The following PHLPP1 variants were observed in gnomAD, a reference collection of about 807,000 sequenced individuals.
The protein encoded by PHLPP1 is PH domain leucine-rich repeat-containing protein phosphatase 1.
In PHLPP1, 42 loss-of-function variants were observed where a neutral mutation model predicts 117.2. The ratio of observed to expected loss-of-function variants is 0.36; its 90% confidence interval spans 0.28 to 0.46. The LOEUF is 0.46. Among genes scored for constraint, PHLPP1 ranks in the 20% least tolerant of loss-of-function variants. The pLI is 1.00. For synonymous variants in PHLPP1, 1,042 were observed against 970.7 expected (o/e 1.07, Z -1.37); for missense variants, 2,084 against 2,241.9 (o/e 0.93, Z 1.42).
At chr18:62,943,800 CG>C (rs1304448128) in intron 11 of PHLPP1, among the ~76,000 whole-genome samples, 1 of 152,022 alleles carries the variant, frequency 6.6e-6, no homozygotes, top group Non-Finnish European at 1.5e-5. Flanking sequence ...TAATCCAAAC[CG>C]TATCACTATA....
intron 6 of PHLPP1, among the ~76,000 whole-genome samples, chr18:62,900,494 A>G (rs1916695177): frequency 7.9e-6 from 1 of 126,608 alleles, no homozygotes; most frequent in Non-Finnish European, 1.5e-5. Flanking sequence ...CCCAAGCTGG[A>G]ATGCAATCAC....
rs1259899887 is a variant in PHLPP1, at chr18:62,716,530, C to A, written c.847C>A (p.Pro283Thr). 5 of 1,183,444 alleles carry A rather than the reference C, an allele frequency of 4.2e-6. No individual in the cohort carries two copies. Among genetic ancestry groups the A allele is most frequent in the Non-Finnish European group, 5.2e-6 (5 of 957,712 alleles). The allele number at this position is 1,183,444 out of a possible 1,614,324, so 73.3% of individuals were successfully genotyped here. A position where few individuals can be genotyped will look rare whatever the true frequency, so the allele number is the denominator to read the frequency against. Residue 283 changes from proline to threonine, a missense_variant, in exon 1 of 17, where the codon CCC (proline) becomes ACC (threonine). Coordinates refer to ENST00000262719, the MANE Select transcript of PHLPP1 (RefSeq NM_194449.4). This position sits in a 1 kb window ranked among gnomAD's most constrained non-coding sequence, Gnocchi z 5.7. ...GGAGCCGCGGGACTCGGAGGTACCGCCCGCGAGGAGCGCGCCGGGTGCCTT... is the reference window on the plus strand; with the variant it reads ...GGAGCCGCGGGACTCGGAGGTACCGACCGCGAGGAGCGCGCCGGGTGCCTT... ...PPEPRDSEVP[P>T]ARSAPGAFGG...
intron 1 of PHLPP1, among the ~76,000 whole-genome samples, chr18:62,794,139 A>G (rs2076892918): frequency 6.6e-6 from 1 of 152,206 alleles, no homozygotes; most frequent in Admixed American, 6.5e-5. Context: ...TGTCATATAT[A>G]TTTTGTATAC....
chr18:62,744,645 T>A (rs1911625245), intron 1 of PHLPP1, among the ~76,000 whole-genome samples: 1 of 152,176 alleles, frequency 6.6e-6, no homozygotes, highest in African/African-American at 2.4e-5. Context: ...AACCAGTAAA[T>A]CAACCTGATA....
intron 1 of PHLPP1, among the ~76,000 whole-genome samples, chr18:62,760,668 A>T (rs1181278513): frequency 6.6e-6 from 1 of 152,104 alleles, no homozygotes; most frequent in Non-Finnish European, 1.5e-5. Context: ...TTCTTCCTCC[A>T]CGTCCACATT....
chr18:62,913,155 A>G (rs1917005638), intron 8 of PHLPP1, among the ~76,000 whole-genome samples: 1 of 152,194 alleles, frequency 6.6e-6, no homozygotes, highest in South Asian at 2.1e-4. Context: ...CACCTATCAC[A>G]GTGTTTACTA....
chr18:62,791,806 T>G (rs1356524580), intron 1 of PHLPP1, among the ~76,000 whole-genome samples: 1 of 152,038 alleles, frequency 6.6e-6, no homozygotes, highest in Non-Finnish European at 1.5e-5. Context: ...AATTAATCAT[T>G]GCAGATACTG....
chr18:62,945,336 A>C, intron 12 of PHLPP1, 65 bp downstream of exon 12: 107 of 1,328,330 alleles, frequency 8.1e-5, no homozygotes, highest in Non-Finnish European at 1.0e-4. Flanking sequence ...TTCCTAACTC[A>C]TCAACTCAGG....
intron 4 of PHLPP1, among the ~76,000 whole-genome samples, chr18:62,888,337 G>GT (rs1555679785): frequency 2.4e-3 from 274 of 114,664 alleles, no homozygotes; most frequent in African/African-American, 7.1e-3. Flanking sequence ...GTGTGTGTAT[G>GT]TTTTTTTTTT....
chr18:62,873,421 G>T (rs1227855982), intron 4 of PHLPP1, among the ~76,000 whole-genome samples: 1 of 152,164 alleles, frequency 6.6e-6, no homozygotes, highest in Non-Finnish European at 1.5e-5. Context: ...TTAATTCTAT[G>T]TGTGGAAATT....
At chr18:62,830,279 C>A (rs890783613) in intron 2 of PHLPP1, 48 bp downstream of exon 2, 5 of 1,476,864 alleles carry the variant, frequency 3.4e-6, no homozygotes, top group Admixed American at 2.0e-5. Context: ...CTCACTCTGT[C>A]ACCCAGGCTC....
intron 4 of PHLPP1, among the ~76,000 whole-genome samples, chr18:62,880,081 C>T (rs1414803168): frequency 6.6e-6 from 1 of 151,988 alleles, no homozygotes; most frequent in Non-Finnish European, 1.5e-5. Flanking sequence ...AAAACCATGT[C>T]TAAATCACAT....
At chr18:62,948,824 A>G (rs1004696645) in intron 12 of PHLPP1, among the ~76,000 whole-genome samples, 1 of 152,046 alleles carries the variant, frequency 6.6e-6, no homozygotes, top group African/African-American at 2.4e-5. Flanking sequence ...CTCTGAATTG[A>G]TATTTTTGTG....
chr18:62,814,641 G>GTA (rs750043005), intron 1 of PHLPP1, among the ~76,000 whole-genome samples: 6 of 152,156 alleles, frequency 3.9e-5, no homozygotes, highest in Admixed American at 6.5e-5. Context: ...CAGGGACATG[G>GTA]TAAATTCTTC....
At chr18:62,812,187 G>A (rs538353135) in intron 1 of PHLPP1, among the ~76,000 whole-genome samples, 1 of 152,236 alleles carries the variant, frequency 6.6e-6, no homozygotes, top group Non-Finnish European at 1.5e-5. Flanking sequence ...AATATAGTTC[G>A]TTTTTTCACC....
Position 62,945,152 on chromosome 18 carries a change from G to A in PHLPP1, c.3205G>A (p.Gly1069Arg). ...LEELEEIDLSGNKLKAIPTTI... is the reference protein window; with the variant it reads ...LEELEEIDLSRNKLKAIPTTI... Reference sequence around the variant, plus strand: ...GGAACTTGAAGAAATTGATCTCAGTGGGAATAAGCTGAAAGCCATCCCAAC... The same window carrying A: ...GGAACTTGAAGAAATTGATCTCAGTAGGAATAAGCTGAAAGCCATCCCAAC... Residue 1069 changes from glycine (G) to arginine (R), a missense_variant, in exon 12 of 17, where the codon GGG (glycine) becomes AGG (arginine). Physicochemically the swap from Gly to Arg is moderately radical, Grantham distance 125 (BLOSUM62 -2). Transcript: ENST00000262719. The A allele has an allele frequency of 6.2e-7, 1 of 1,610,000 alleles. No individual in the cohort carries two copies. The highest frequency in any genetic ancestry group is 8.5e-7 in the Non-Finnish European group (1 of 1,178,694).
At chr18:62,955,920 C>G (rs1910598155) in intron 12 of PHLPP1, among the ~76,000 whole-genome samples, 1 of 152,070 alleles carries the variant, frequency 6.6e-6, no homozygotes, top group Admixed American at 6.6e-5. Context: ...TCCTGCTATG[C>G]TGATGTGTAC....
At chr18:62,755,641 A>G (rs1911992729) in intron 1 of PHLPP1, among the ~76,000 whole-genome samples, 1 of 152,190 alleles carries the variant, frequency 6.6e-6, no homozygotes, top group African/African-American at 2.4e-5. Context: ...ACCAGACATC[A>G]AATCTACTGG....
In PHLPP1 at chr18:62,736,281, C is replaced by T. The variant is rs569182311; in HGVS notation, c.1576+19022C>T. 4.6e-5 allele frequency among the ~76,000 whole-genome samples: 7 copies of T among 152,242 alleles called. No homozygotes were observed. In the South Asian group the frequency reaches 1.2e-3, roughly 27 times the overall value. On this transcript the variant is annotated intron_variant, in intron 1 of 16. Transcript: ENST00000262719. ...CCCCACCTCAGACTTACTGCATAAT[C>T]GGCATTTTAACAAGATCCCCAGGAG...
Sources: gnomAD v4.1 joint callset for allele counts (sites outside exome capture counted in the v4.1 genomes callset) on GRCh38, gnomAD v4.1.1 for gene constraint, Gnocchi (gnomAD v3.1) non-coding constraint, MANE v1.5 for transcripts, NCBI Gene and HGNC (gene_info 2026-07-23, HGNC 2026-07-21) for gene names.